The following COQ10B variants were observed in gnomAD, a reference collection of about 807,000 sequenced individuals.
COQ10B encodes the protein coenzyme Q10B.
COQ10B carries 12 observed loss-of-function variants against 27.6 expected under a neutral mutation model. The observed-to-expected ratio is 0.43, with a 90% CI of 0.28 to 0.70. The LOEUF is 0.70. Among genes scored for constraint, COQ10B ranks in the 30% least tolerant of loss-of-function variants. The pLI is 0.17. For synonymous variants in COQ10B, 115 were observed against 103.0 expected (o/e 1.12, Z -0.71); for missense variants, 278 against 288.7 (o/e 0.96, Z 0.27).
chr2:197,454,047 G>A (rs1574575799), intron 1 of COQ10B: 1 of 1,551,242 alleles, frequency 6.4e-7, no homozygotes, highest in Non-Finnish European at 8.7e-7. Flanking sequence ...TTTGTGTTTG[G>A]CGGTGAGCCC....
At chr2:197,458,299 C>T (rs986812707) in intron 1 of COQ10B, among the ~76,000 whole-genome samples, 8 of 152,108 alleles carry the variant, frequency 5.3e-5, no homozygotes, top group Non-Finnish European at 8.8e-5. Flanking sequence ...TACATACACA[C>T]GCACACACAC....
chr2:197,461,046 A>G (rs1375690550), intron 2 of COQ10B, among the ~76,000 whole-genome samples: 1 of 152,156 alleles, frequency 6.6e-6, no homozygotes, highest in Non-Finnish European at 1.5e-5. Context: ...GTGAAAGTGC[A>G]TTTCGTTAAT....
chr2:197,469,376 A>G (rs180744176), intron 3 of COQ10B, among the ~76,000 whole-genome samples: 1 of 152,362 alleles, frequency 6.6e-6, no homozygotes, highest in Non-Finnish European at 1.5e-5. Context: ...AGCCACAATA[A>G]GTATTTTTTT....
At chr2:197,473,301 C>G (rs2085898210) in intron 4 of COQ10B, among the ~76,000 whole-genome samples, 1 of 149,698 alleles carries the variant, frequency 6.7e-6, no homozygotes, top group South Asian at 2.1e-4. Context: ...GCCCATAATC[C>G]CAACACTTTG....
intron 1 of COQ10B, chr2:197,453,899 G>A (rs2085666047): frequency 1.3e-6 from 2 of 1,489,532 alleles, no homozygotes; most frequent in Non-Finnish European, 1.8e-6. Context: ...GTGAATCATC[G>A]GCGAAGCGAC....
chr2:197,455,118 G>A (rs2085682124), intron 1 of COQ10B, among the ~76,000 whole-genome samples: 1 of 151,780 alleles, frequency 6.6e-6, no homozygotes. Flanking sequence ...TTGTGTAAGG[G>A]TATTTTTTTG....
At position 197,462,629 on chromosome 2, in the gene COQ10B, A is replaced by C. The variant is rs376207544; in HGVS notation, c.345A>C (p.Ser115=). Residue 115 remains serine, a synonymous_variant, in exon 3 of 5, where the codon TCA becomes TCC. Transcript: ENST00000263960. ...VPWCKKSDVI[S]KRSGYCKTRL... ...GGTGCAAAAAATCAGATGTTATATC[A>C]AAGAGATCTGGATATTGTAAAACAA... is the stretch of plus-strand genomic sequence containing the variant. 1 of 1,600,164 alleles carries C rather than the reference A, an allele frequency of 6.2e-7. No individual in the cohort carries two copies. Among genetic ancestry groups the C allele is most frequent in the African/African-American group, 1.3e-5 (1 of 74,528 alleles).
At chr2:197,457,936 A>G (rs2085717060) in intron 1 of COQ10B, among the ~76,000 whole-genome samples, 1 of 151,838 alleles carries the variant, frequency 6.6e-6, no homozygotes, top group South Asian at 2.1e-4. Context: ...TTACATTTTA[A>G]CAGATAGTCA....
intron 4 of COQ10B, among the ~76,000 whole-genome samples, chr2:197,473,468 A>ATATACGTG (rs2085905441): frequency 7.1e-5 from 10 of 141,230 alleles, no homozygotes; most frequent in Admixed American, 7.3e-5. Context: ...ATATATATGT[A>ATATACGTG]TATATACACG....
chr2:197,462,420 A>G, intron 2 of COQ10B, 119 bp from the exon 3 acceptor site: 2 of 576,858 alleles, frequency 3.5e-6, no homozygotes, highest in Non-Finnish European at 5.9e-6. Context: ...GGTTTAATAT[A>G]TGTGCTGAAT....
Position 197,474,973 on chromosome 2 carries a change from T to C in COQ10B, c.*1049T>C, listed in dbSNP as rs2085935188. On this transcript the variant is annotated 3_prime_UTR_variant, in exon 5 of 5. Coordinates refer to ENST00000263960, the MANE Select transcript of COQ10B (RefSeq NM_025147.5). Reference sequence around the variant, plus strand: ...TAGGCAACAGATGAAGATAAGTTGGTTGAATGTCTCCAGCACTATGCATCC... The same window carrying C: ...TAGGCAACAGATGAAGATAAGTTGGCTGAATGTCTCCAGCACTATGCATCC... The C allele has an allele frequency of 6.6e-6, 1 of 152,300 alleles. No homozygotes were observed. The highest frequency in any genetic ancestry group is 1.5e-5 in the Non-Finnish European group (1 of 68,022). The allele number at this position is 152,300 out of a possible 1,614,324, so 9.4% of individuals were successfully genotyped here. A position where few individuals can be genotyped will look rare whatever the true frequency, so the allele number is the denominator to read the frequency against.
intron 3 of COQ10B, among the ~76,000 whole-genome samples, chr2:197,467,456 C>A (rs888569444): frequency 6.6e-6 from 1 of 152,050 alleles, no homozygotes; most frequent in African/African-American, 2.4e-5. Context: ...CAGCTCAGCA[C>A]AACCTCTGCC....
chr2:197,468,924 GC>G (rs746431027), intron 3 of COQ10B, among the ~76,000 whole-genome samples: 1 of 152,086 alleles, frequency 6.6e-6, no homozygotes, highest in Non-Finnish European at 1.5e-5. Context: ...GTCATAACGA[GC>G]ATAATCAGTC....
chr2:197,462,745 T>A lies in COQ10B; in HGVS notation c.447+14T>A, dbSNP rs2085775849. 7.0e-7 allele frequency: 1 copy of A among 1,428,262 alleles called. No homozygotes were observed. 88.5% of individuals were successfully genotyped at this position (1,428,262 alleles called of 1,614,324 possible). Reference sequence around the variant, plus strand: ...CATTTAGTAAAGGTAACAGTTTTGTTTTTTGTTGTTTTTAAATATTCTTCC... The same window carrying A: ...CATTTAGTAAAGGTAACAGTTTTGTATTTTGTTGTTTTTAAATATTCTTCC... On this transcript the variant is annotated intron_variant, in intron 3 of 4. Transcript: ENST00000263960.
At chr2:197,462,472 TTAAAG>T in intron 2 of COQ10B, 62 bp from the exon 3 acceptor site, 3 of 800,524 alleles carry the variant, frequency 3.7e-6, no homozygotes, top group Non-Finnish European at 6.0e-6. Context: ...CATATTCACT[TTAAAG>T]TATGCATATA....
In COQ10B at chr2:197,459,983, C is replaced by T. The variant is rs748792617; in HGVS notation, c.156C>T (p.Thr52=). 4.3e-6 allele frequency: 7 copies of T among 1,611,494 alleles called. No homozygotes were observed. Among genetic ancestry groups the T allele is most frequent in the African/African-American group, 2.7e-5 (2 of 74,886 alleles). ...ILMSRTLPLH[T]SILPKEICAR... Reference sequence around the variant, plus strand: ...TGAGCAGAACTCTTCCACTACATACCTCAATTTTGCCTAAGGAGATATGTG... The same window carrying T: ...TGAGCAGAACTCTTCCACTACATACTTCAATTTTGCCTAAGGAGATATGTG... The change falls in exon 2 of 5, where the codon ACC becomes ACT. Residue 52 remains threonine (T), a synonymous_variant. Coordinates refer to ENST00000263960, the MANE Select transcript of COQ10B (RefSeq NM_025147.5).
intron 3 of COQ10B, among the ~76,000 whole-genome samples, chr2:197,469,041 A>C (rs2085854713): frequency 6.6e-6 from 1 of 150,982 alleles, no homozygotes; most frequent in Admixed American, 6.6e-5. Flanking sequence ...TTTTATTTTT[A>C]TTTTATTTTT....
At chr2:197,460,338 ACATGCCACCATGCC>A (rs1374883584) in intron 2 of COQ10B, among the ~76,000 whole-genome samples, 2 of 151,642 alleles carry the variant, frequency 1.3e-5, no homozygotes, top group African/African-American at 4.8e-5. Context: ...AGTAGCAGGC[ACATGCCACCATGCC>A]TAGCTAATTT....
chr2:197,465,111 T>C (rs1201727903), intron 3 of COQ10B, among the ~76,000 whole-genome samples: 1 of 152,074 alleles, frequency 6.6e-6, no homozygotes, highest in Non-Finnish European at 1.5e-5. Flanking sequence ...GGTCTCGATC[T>C]CCTGACCTCA....
Sources: gnomAD v4.1 joint callset for allele counts (sites outside exome capture counted in the v4.1 genomes callset) on GRCh38, gnomAD v4.1.1 for gene constraint, MANE v1.5 for transcripts, NCBI Gene and HGNC (gene_info 2026-07-23, HGNC 2026-07-21) for gene names.